TENM3: variants seen among roughly 807,000 people sequenced by gnomAD.
TENM3 encodes teneurin transmembrane protein 3.
A neutral mutation model predicts 255.1 loss-of-function variants in TENM3; 63 were observed. The observed-to-expected ratio is 0.25, with a 90% CI of 0.20 to 0.30. The LOEUF (loss-of-function observed/expected upper bound fraction) is 0.30. Ranked by LOEUF, TENM3 falls within the 10% of genes least tolerant of loss-of-function variation. TENM3 has a pLI of 1.00. For missense variants in TENM3, 2,929 were observed against 3,461.1 expected (o/e 0.85, Z 3.86); for synonymous variants, 1,306 against 1,322.3 (o/e 0.99, Z 0.27).
chr4:182,122,334 C>G, the TENM3 span, among the ~76,000 whole-genome samples: 3 of 152,198 alleles, frequency 2.0e-5, no homozygotes, highest in Non-Finnish European at 4.4e-5. Flanking sequence ...AGGTTTTCAA[C>G]TGACTTTGTC....
Position 182,799,919 on chromosome 4 carries a change from G to C in TENM3, c.7668G>C (p.Glu2556Asp). Reference sequence around the variant, plus strand: ...ACTTCATCAAGACCACCACGCCCGAGAGCGACCTGGGCACGCTGCGGTTGA... The same window carrying C: ...ACTTCATCAAGACCACCACGCCCGACAGCGACCTGGGCACGCTGCGGTTGA... ...THYFIKTTTP[E>D]SDLGTLRLTS... is the part of the protein sequence containing the mutation. Residue 2556 changes from glutamate to aspartate, a missense_variant, in exon 28 of 28, where the codon GAG becomes GAC. Physicochemically the swap from Glu to Asp is conservative, Grantham distance 45. Transcript: ENST00000511685. This position sits in a 1 kb window ranked among gnomAD's most constrained non-coding sequence, Gnocchi z 4.2. 1 of 1,603,662 alleles carries C rather than the reference G, an allele frequency of 6.2e-7. No individual in the cohort carries two copies. Among genetic ancestry groups the C allele is most frequent in the Non-Finnish European group, 8.5e-7 (1 of 1,175,432 alleles).
At chr4:182,498,271 G>A (rs539803220) in intron 3 of TENM3, among the ~76,000 whole-genome samples, 23 of 152,134 alleles carry the variant, frequency 1.5e-4, no homozygotes, top group South Asian at 1.0e-3. Flanking sequence ...CCAGATGTAA[G>A]TGTTTTGATG....
At chr4:182,443,211 C>T (rs1329249619) in intron 3 of TENM3, among the ~76,000 whole-genome samples, 1 of 152,132 alleles carries the variant, frequency 6.6e-6, no homozygotes, top group Non-Finnish European at 1.5e-5. Flanking sequence ...TTCATATTAT[C>T]AAAGCCTAAA....
chr4:182,462,029 T>C (rs1182988335), intron 3 of TENM3, among the ~76,000 whole-genome samples: 1 of 151,788 alleles, frequency 6.6e-6, no homozygotes, highest in Non-Finnish European at 1.5e-5. Flanking sequence ...GATTGCAAAC[T>C]GCCTCATATC....
chr4:181,653,897 T>C, the TENM3 span, among the ~76,000 whole-genome samples: 4 of 151,866 alleles, frequency 2.6e-5, no homozygotes. Context: ...CGGTGTGTGA[T>C]GTTCCCTTCC....
At chr4:182,034,130 A>G in the TENM3 span, among the ~76,000 whole-genome samples, 2 of 152,324 alleles carry the variant, frequency 1.3e-5, no homozygotes, top group Admixed American at 1.3e-4. Flanking sequence ...GGGAACTTCC[A>G]TTTATAAAAC....
the TENM3 span, among the ~76,000 whole-genome samples, chr4:181,469,970 T>G: frequency 1.3e-5 from 2 of 152,132 alleles, no homozygotes; most frequent in African/African-American, 4.8e-5. Context: ...AAGGTATCAC[T>G]CCGGTCGACA....
At chr4:181,559,806 T>G in the TENM3 span, among the ~76,000 whole-genome samples, 1 of 152,214 alleles carries the variant, frequency 6.6e-6, no homozygotes, top group East Asian at 1.9e-4. Flanking sequence ...AAACTACAAC[T>G]GCATCTTCAA....
intron 22 of TENM3, among the ~76,000 whole-genome samples, chr4:182,768,520 T>C (rs1404597973): frequency 6.6e-6 from 1 of 152,076 alleles, no homozygotes; most frequent in Admixed American, 6.5e-5. Context: ...GATAGACCCA[T>C]TTTAAAAGTC....
chr4:182,602,313 C>T (rs747873008), intron 4 of TENM3, among the ~76,000 whole-genome samples: 56 of 152,208 alleles, frequency 3.7e-4, no homozygotes, highest in South Asian at 4.1e-4. Flanking sequence ...GAGCTCTTGA[C>T]GCCTTGAGAG....
intron 22 of TENM3, among the ~76,000 whole-genome samples, chr4:182,755,942 A>AAAGCTT (rs1762720656): frequency 6.6e-6 from 1 of 152,216 alleles, no homozygotes; most frequent in African/African-American, 2.4e-5. Context: ...GGAGAAGCCC[A>AAAGCTT]AAGCTTAAGT....
the TENM3 span, among the ~76,000 whole-genome samples, chr4:182,103,557 A>G: frequency 6.6e-6 from 1 of 152,200 alleles, no homozygotes; most frequent in Admixed American, 6.5e-5. Flanking sequence ...CATCTTCACT[A>G]TTAGGTAAAG....
the TENM3 span, among the ~76,000 whole-genome samples, chr4:182,046,913 G>T: frequency 2.6e-5 from 4 of 152,164 alleles, no homozygotes; most frequent in African/African-American, 4.8e-5. Flanking sequence ...GCAATGCCAA[G>T]AATTTTTCTT....
At chr4:182,560,232 C>A (rs1743018828) in intron 3 of TENM3, among the ~76,000 whole-genome samples, 1 of 151,862 alleles carries the variant, frequency 6.6e-6, no homozygotes. Context: ...ACACACACCC[C>A]CACATAAATA....
the TENM3 span, among the ~76,000 whole-genome samples, chr4:182,066,811 T>C: frequency 2.0e-5 from 3 of 151,966 alleles, no homozygotes; most frequent in Non-Finnish European, 4.4e-5. Flanking sequence ...CTCGGGAGGC[T>C]GAGGCAGGAG....
At chr4:181,513,321 T>G in the TENM3 span, among the ~76,000 whole-genome samples, 1 of 152,182 alleles carries the variant, frequency 6.6e-6, no homozygotes, top group East Asian at 1.9e-4. Context: ...TCTTACAGGC[T>G]TTTAAAAATA....
At chr4:182,274,029 A>G (rs1759830148) in intron 1 of TENM3, among the ~76,000 whole-genome samples, 1 of 152,240 alleles carries the variant, frequency 6.6e-6, no homozygotes, top group African/African-American at 2.4e-5. Flanking sequence ...AGAAAGAATC[A>G]GCAACAATGT....
chr4:181,899,828 T>G, the TENM3 span, among the ~76,000 whole-genome samples: 40 of 152,240 alleles, frequency 2.6e-4, no homozygotes, highest in African/African-American at 7.9e-4. Flanking sequence ...AGCCTCCCAG[T>G]GTGGTGGGAT....
chr4:181,525,869 G>T, the TENM3 span, among the ~76,000 whole-genome samples: 13 of 152,162 alleles, frequency 8.5e-5, no homozygotes, highest in Admixed American at 8.5e-4. Flanking sequence ...CTCCCTGTGG[G>T]TAATTAAGTG....
Sources: gnomAD v4.1 joint callset for allele counts (sites outside exome capture counted in the v4.1 genomes callset) on GRCh38, gnomAD v4.1.1 for gene constraint, Gnocchi (gnomAD v3.1) non-coding constraint, MANE v1.5 for transcripts, NCBI Gene and HGNC (gene_info 2026-07-23, HGNC 2026-07-21) for gene names.